Variants in HYDIN observed in about 807,000 individuals in gnomAD.
HYDIN encodes the protein HYDIN axonemal central pair apparatus protein.
A neutral mutation model predicts 403.9 loss-of-function variants in HYDIN; 132 were observed. That is an observed-to-expected ratio of 0.33 (90% CI 0.28 to 0.38). The LOEUF (loss-of-function observed/expected upper bound fraction) is 0.38. HYDIN is among the 10% of genes least tolerant of loss of function. HYDIN has a pLI of 1.00. For synonymous variants in HYDIN, 1,202 were observed against 1,891.7 expected (o/e 0.64, Z 9.46); for missense variants, 2,827 against 5,009.5 (o/e 0.56, Z 13.15).
chr16:71,085,238 T>A (rs2082899008), intron 12 of HYDIN, among the ~76,000 whole-genome samples: 1 of 83,548 alleles, frequency 1.2e-5, no homozygotes, highest in South Asian at 4.8e-4. Flanking sequence ...TTGTTTTTTG[T>A]TTGTTTGTTT....
chr16:70,842,955 A>G (rs2037930154), intron 75 of HYDIN, among the ~76,000 whole-genome samples: 3 of 151,940 alleles, frequency 2.0e-5, no homozygotes, highest in South Asian at 4.1e-4. Flanking sequence ...GAAGATTACA[A>G]TTAACATCTA....
intron 10 of HYDIN, among the ~76,000 whole-genome samples, chr16:71,102,535 A>T (rs1402509989): frequency 6.6e-6 from 1 of 151,030 alleles, no homozygotes; most frequent in Non-Finnish European, 1.5e-5. Context: ...AATGAAAACA[A>T]TATTATAAGT....
At position 71,020,042 on chromosome 16, in the gene HYDIN, T is replaced by A. The variant is rs374495111; in HGVS notation, c.3330+132A>T. ...ACTCATTTTAAATTTTCTGTAGTCT[T>A]CCCTGTTTGCTTCCTGGATCCTTTA... On this transcript the variant is annotated intron_variant, in intron 22 of 85. Coordinates refer to ENST00000393567, the MANE Select transcript of HYDIN (RefSeq NM_001270974.2). 6.2e-6 allele frequency: 4 copies of A among 645,588 alleles called. No homozygotes were observed. In the East Asian group the frequency reaches 8.6e-5, roughly 14 times the overall value. 40.0% of individuals were successfully genotyped at this position (645,588 alleles called of 1,614,324 possible).
chr16:70,976,921 T>A (rs948309875), intron 30 of HYDIN, among the ~76,000 whole-genome samples: 15 of 151,710 alleles, frequency 9.9e-5, no homozygotes, highest in Non-Finnish European at 7.4e-5. Flanking sequence ...AGTGGAAGTG[T>A]GACAAACTGG....
chr16:71,040,521 C>G (rs1404754573), intron 18 of HYDIN, among the ~76,000 whole-genome samples: 1 of 122,898 alleles, frequency 8.1e-6, no homozygotes, highest in Non-Finnish European at 1.7e-5. Context: ...ACTTTACATA[C>G]AAGTTCCAGA....
chr16:70,961,161 C>G (rs1217715046), intron 38 of HYDIN, among the ~76,000 whole-genome samples: 2 of 152,040 alleles, frequency 1.3e-5, no homozygotes, highest in African/African-American at 4.8e-5. Context: ...TGGAGGAGCC[C>G]AGGCATGGGG....
At chr16:70,871,182 T>C (rs201187976) in intron 65 of HYDIN, among the ~76,000 whole-genome samples, 223 of 151,884 alleles carry the variant, frequency 1.5e-3, no homozygotes, top group Admixed American at 2.4e-3. Flanking sequence ...ATTTGGACCA[T>C]GACGAAACGG....
Position 71,230,549 on chromosome 16 carries a change from G to A in HYDIN, c.-24+13C>T, listed in dbSNP as rs2041236433. On this transcript the variant is annotated intron_variant, in intron 1 of 85. Transcript: ENST00000393567. Reference sequence around the variant, plus strand: ...CACACTTTGACCCCACAATCTCTGCGAGGACCTCTGACCTTGGTGCACTCC... The same window carrying A: ...CACACTTTGACCCCACAATCTCTGCAAGGACCTCTGACCTTGGTGCACTCC... 1.3e-6 allele frequency: 2 copies of A among 1,528,642 alleles called. No individual in the cohort carries two copies. The highest frequency in any genetic ancestry group is 1.8e-6 in the Non-Finnish European group (2 of 1,141,584). The allele number at this position is 1,528,642 out of a possible 1,614,324, so 94.7% of individuals were successfully genotyped here.
rs1335904408 is a variant in HYDIN, at chr16:71,011,524, T to C, written c.3644+6605A>G. Among the ~76,000 whole-genome samples the C allele has an allele frequency of 4.9e-5, 7 of 143,656 alleles. No individual in the cohort carries two copies. In the East Asian group the frequency reaches 8.5e-4, roughly 17 times the overall value. 94.2% of individuals were successfully genotyped at this position (143,656 alleles called of 152,430 possible). On this transcript the variant is annotated intron_variant, in intron 23 of 85. Transcript: ENST00000393567. Reference sequence around the variant, plus strand: ...GAGATTGAGACTAGCCTGGGAAACATAGAAAGACCCTGTCTCTACAAAACA... The same window carrying C: ...GAGATTGAGACTAGCCTGGGAAACACAGAAAGACCCTGTCTCTACAAAACA...
intron 67 of HYDIN, among the ~76,000 whole-genome samples, chr16:70,865,547 T>C (rs910842834): frequency 6.6e-6 from 1 of 152,150 alleles, no homozygotes; most frequent in Admixed American, 6.5e-5. Context: ...CTAGGTCTGT[T>C]CCCCTGGAGA....
chr16:70,965,564 T>TA (rs2078547127), intron 36 of HYDIN, among the ~76,000 whole-genome samples: 1 of 152,236 alleles, frequency 6.6e-6, no homozygotes, highest in African/African-American at 2.4e-5. Context: ...CTGGCAATCC[T>TA]AGTGTGTATG....
chr16:71,069,714 C>T (rs1326901852), intron 13 of HYDIN, among the ~76,000 whole-genome samples: 4 of 152,104 alleles, frequency 2.6e-5, no homozygotes, highest in Non-Finnish European at 5.9e-5. Flanking sequence ...TTCATTTATG[C>T]ATTCACTCAA....
chr16:71,201,499 A>T (rs564375997), intron 1 of HYDIN, among the ~76,000 whole-genome samples: 2 of 152,262 alleles, frequency 1.3e-5, no homozygotes, highest in East Asian at 1.9e-4. Context: ...GGCCTATCCC[A>T]GTATTGCACC....
At chr16:71,031,025 C>T (rs941797351) in intron 19 of HYDIN, among the ~76,000 whole-genome samples, 31 of 150,450 alleles carry the variant, frequency 2.1e-4, no homozygotes, top group Non-Finnish European at 3.7e-4. Flanking sequence ...ACGGTGAAAC[C>T]CCGTCTCTAC....
intron 1 of HYDIN, among the ~76,000 whole-genome samples, chr16:71,211,155 C>T (rs916949730): frequency 1.3e-5 from 2 of 152,040 alleles, no homozygotes; most frequent in Non-Finnish European, 2.9e-5. Context: ...AGTCATAAAA[C>T]CTGTCCTGGT....
intron 5 of HYDIN, among the ~76,000 whole-genome samples, chr16:71,168,182 G>T (rs1168892751): frequency 3.4e-5 from 5 of 149,030 alleles, no homozygotes; most frequent in Admixed American, 6.7e-5. Flanking sequence ...AGTTGGGCGT[G>T]GTGGCAGGTG....
intron 1 of HYDIN, among the ~76,000 whole-genome samples, chr16:71,220,406 A>G (rs530990194): frequency 1.8e-4 from 28 of 152,354 alleles, no homozygotes; most frequent in African/African-American, 5.5e-4. Flanking sequence ...CTTGTATACA[A>G]GACATAAAAT....
At chr16:71,043,427 A>C (rs2081349860) in intron 18 of HYDIN, among the ~76,000 whole-genome samples, 1 of 139,928 alleles carries the variant, frequency 7.1e-6, no homozygotes, top group South Asian at 2.3e-4. Flanking sequence ...GCGTCTTAGA[A>C]CTCCTGAACA....
intron 5 of HYDIN, among the ~76,000 whole-genome samples, chr16:71,175,093 C>G (rs926151287): frequency 2.6e-5 from 4 of 151,320 alleles, no homozygotes; most frequent in Admixed American, 6.6e-5. Context: ...ACCATCTACA[C>G]CACCACCACC....
Sources: gnomAD v4.1 joint callset for allele counts (sites outside exome capture counted in the v4.1 genomes callset) on GRCh38, gnomAD v4.1.1 for gene constraint, MANE v1.5 for transcripts, NCBI Gene and HGNC (gene_info 2026-07-23, HGNC 2026-07-21) for gene names.